Variants in MARCHF1 observed in about 807,000 individuals in gnomAD.
The protein encoded by MARCHF1 is E3 ubiquitin-protein ligase MARCHF1.
A neutral mutation model predicts 54.2 loss-of-function variants in MARCHF1; 40 were observed. The ratio of observed to expected loss-of-function variants is 0.74; its 90% confidence interval spans 0.57 to 0.96. MARCHF1 has a LOEUF of 0.96. MARCHF1 is among the 40% of genes least tolerant of loss of function. The pLI, the probability that MARCHF1 is intolerant of heterozygous loss-of-function variation, is 0.00. For missense variants in MARCHF1, 586 were observed against 656.5 expected (o/e 0.89, Z 1.17); for synonymous variants, 236 against 236.3 (o/e 1.00, Z 0.01).
chr4:164,094,806 C>T (rs1835510), intron 2 of MARCHF1, among the ~76,000 whole-genome samples: 7 of 151,962 alleles, frequency 4.6e-5, no homozygotes, highest in Admixed American at 4.6e-4. Flanking sequence ...AAAAATATAC[C>T]TTCAGTTCAA....
intron 2 of MARCHF1, among the ~76,000 whole-genome samples, chr4:164,046,649 T>C (rs1754249966): frequency 6.6e-6 from 1 of 152,176 alleles, no homozygotes; most frequent in African/African-American, 2.4e-5. Context: ...ATAAGAAATA[T>C]TAATCAAAAC....
rs765507377 is a variant in MARCHF1, at chr4:163,528,863, A to C, written c.1523T>G (p.Phe508Cys). 7 of 1,613,314 alleles carry C rather than the reference A, an allele frequency of 4.3e-6. No individual in the cohort carries two copies. The highest frequency in any genetic ancestry group is 1.7e-4 in the Middle Eastern group (1 of 6,060). The change falls in exon 10 of 10, where the codon TTC becomes TGC. Residue 508 changes from phenylalanine to cysteine, a missense_variant. By Grantham distance (205) the Phe-to-Cys change is radical. Coordinates refer to ENST00000514618, the MANE Select transcript of MARCHF1 (RefSeq NM_001394959.1). ...GATGTCTGTGTTTACATTACATGAG[A>C]AGTTCTTCTCCAGTTTTTTGGCAGT... ...PDTAKKLEKN[F>C]SCNVNTDIKD...
At chr4:163,741,635 G>A (rs1483878238) in intron 4 of MARCHF1, among the ~76,000 whole-genome samples, 1 of 151,928 alleles carries the variant, frequency 6.6e-6, no homozygotes, top group Admixed American at 6.6e-5. Context: ...AAGCAACTGC[G>A]TGTTTGCCCA....
chr4:163,773,038 G>C (rs1747205396), intron 4 of MARCHF1, among the ~76,000 whole-genome samples: 1 of 152,224 alleles, frequency 6.6e-6, no homozygotes, highest in Non-Finnish European at 1.5e-5. Flanking sequence ...CTCAAAGTTT[G>C]AAGGCAAGTA....
At chr4:163,607,942 T>C (rs750047102) in intron 7 of MARCHF1, among the ~76,000 whole-genome samples, 6 of 152,126 alleles carry the variant, frequency 3.9e-5, no homozygotes, top group Non-Finnish European at 5.9e-5. Context: ...ACTGCTGGTG[T>C]AGAGTATTCT....
At chr4:163,571,303 G>C (rs1739836354) in intron 8 of MARCHF1, among the ~76,000 whole-genome samples, 1 of 152,038 alleles carries the variant, frequency 6.6e-6, no homozygotes, top group South Asian at 2.1e-4. Context: ...CTCCATCTCT[G>C]TCCTGCCAGA....
chr4:163,583,618 C>A (rs1188098587), intron 8 of MARCHF1: 1 of 149,264 alleles, frequency 6.7e-6, no homozygotes, highest in Non-Finnish European at 1.5e-5. Context: ...GTTGCTGTGA[C>A]ACATTCATTA....
chr4:163,582,453 G>A (rs994427345), intron 8 of MARCHF1, among the ~76,000 whole-genome samples: 3 of 152,112 alleles, frequency 2.0e-5, no homozygotes, highest in Admixed American at 6.6e-5. Flanking sequence ...AATTAATGAG[G>A]TAACATTTTG....
At chr4:164,343,964 G>A (rs1414829343) in intron 1 of MARCHF1, among the ~76,000 whole-genome samples, 1 of 152,072 alleles carries the variant, frequency 6.6e-6, no homozygotes, top group Non-Finnish European at 1.5e-5. Flanking sequence ...ACAAAGTCAT[G>A]GAATCAACCT....
At chr4:164,065,430 A>C (rs1754706309) in intron 2 of MARCHF1, among the ~76,000 whole-genome samples, 1 of 152,222 alleles carries the variant, frequency 6.6e-6, no homozygotes. Context: ...TAAAGCAAAA[A>C]TTGACAAATG....
chr4:163,794,586 T>TG (rs953640677), intron 4 of MARCHF1, among the ~76,000 whole-genome samples: 15 of 152,130 alleles, frequency 9.9e-5, no homozygotes, highest in African/African-American at 1.4e-4. Flanking sequence ...AAATTGATGG[T>TG]GGGGGGTCAC....
chr4:164,315,878 T>A (rs578258997), intron 1 of MARCHF1, among the ~76,000 whole-genome samples: 1 of 152,178 alleles, frequency 6.6e-6, no homozygotes, highest in Non-Finnish European at 1.5e-5. Flanking sequence ...TTAGAGATAA[T>A]TGGTATTATA....
chr4:163,554,112 T>C (rs965384870), intron 8 of MARCHF1, among the ~76,000 whole-genome samples: 12 of 152,130 alleles, frequency 7.9e-5, no homozygotes, highest in African/African-American at 2.2e-4. Flanking sequence ...GAGTAAAAAA[T>C]AGAGGTGTGA....
chr4:164,026,270 G>A (rs953906703), intron 2 of MARCHF1, among the ~76,000 whole-genome samples: 1 of 151,998 alleles, frequency 6.6e-6, no homozygotes, highest in South Asian at 2.1e-4. Context: ...AAATCTGGCA[G>A]AGACACAGTG....
chr4:163,985,427 T>G (rs562620974), intron 3 of MARCHF1, among the ~76,000 whole-genome samples: 1 of 152,276 alleles, frequency 6.6e-6, no homozygotes, highest in South Asian at 2.1e-4. Flanking sequence ...ATTATAATAT[T>G]ATGGCATACA....
chr4:164,357,059 C>T (rs896296704), intron 1 of MARCHF1, among the ~76,000 whole-genome samples: 1 of 150,796 alleles, frequency 6.6e-6, no homozygotes, highest in African/African-American at 2.4e-5. Flanking sequence ...AACAAACCCC[C>T]ACAAGTTTAC....
At chr4:164,178,682 T>C (rs1217242774) in intron 1 of MARCHF1, among the ~76,000 whole-genome samples, 1 of 152,160 alleles carries the variant, frequency 6.6e-6, no homozygotes, top group Non-Finnish European at 1.5e-5. Flanking sequence ...TACTATGCCA[T>C]ATTTGGATGG....
rs189957283 is a variant in MARCHF1 at position 164,275,643 on chromosome 4, C to T, written c.-323+108227G>A. Among the ~76,000 whole-genome samples, 175 of 152,192 alleles carry T rather than the reference C, an allele frequency of 1.1e-3. 1 individual carries two copies. Among genetic ancestry groups the T allele is most frequent in the East Asian group, 4.3e-3 (22 of 5,172 alleles). Reference sequence around the variant, plus strand: ...TTAAAAGTTAGCTCCAAAAATTTAGCTATTTATAAATTGTCATGCATTGTT... The same window carrying T: ...TTAAAAGTTAGCTCCAAAAATTTAGTTATTTATAAATTGTCATGCATTGTT... On this transcript the variant is annotated intron_variant, in intron 1 of 9. Transcript: ENST00000514618.
At chr4:164,243,800 T>C (rs1732852892) in intron 1 of MARCHF1, among the ~76,000 whole-genome samples, 1 of 151,726 alleles carries the variant, frequency 6.6e-6, no homozygotes. Flanking sequence ...AAGGCAGGGG[T>C]TGCAATCCTA....
Sources: allele counts gnomAD v4.1 joint callset (sites outside exome capture counted in the v4.1 genomes callset), GRCh38; gene constraint gnomAD v4.1.1; transcripts MANE v1.5; gene names NCBI Gene and HGNC (gene_info 2026-07-23, HGNC 2026-07-21).